LUZP2: variants seen among roughly 807,000 people sequenced by gnomAD.
The protein encoded by LUZP2 is leucine zipper protein 2.
In LUZP2, 52 loss-of-function variants were observed where a neutral mutation model predicts 51.6. The observed-to-expected ratio is 1.01, with a 90% confidence interval of 0.81 to 1.27. LUZP2 has a LOEUF of 1.27. Among genes scored for constraint, LUZP2 ranks in the 50% most tolerant of loss-of-function variants. LUZP2 has a pLI of 0.00. For missense variants in LUZP2, 436 were observed against 395.4 expected, an observed-to-expected ratio of 1.10 and a Z score of -0.87; for synonymous variants, 154 against 137.3, an observed-to-expected ratio of 1.12 and a Z score of -0.85.
At chr11:24,950,463 T>G (rs1472035055) in intron 7 of LUZP2, among the ~76,000 whole-genome samples, 1 of 151,592 alleles carries the variant, frequency 6.6e-6, no homozygotes, top group Non-Finnish European at 1.5e-5. Flanking sequence ...AAAATCAAAG[T>G]GACAGCTCCA....
chr11:24,607,521 T>C (rs1189210829), intron 1 of LUZP2, among the ~76,000 whole-genome samples: 1 of 152,036 alleles, frequency 6.6e-6, no homozygotes, highest in Non-Finnish European at 1.5e-5. Flanking sequence ...TTTATGTCAG[T>C]GTGATACTGT....
chr11:24,519,253 A>G (rs766006606), intron 1 of LUZP2, among the ~76,000 whole-genome samples: 1 of 152,152 alleles, frequency 6.6e-6, no homozygotes, highest in Non-Finnish European at 1.5e-5. Flanking sequence ...TTAGGATTGT[A>G]TATAAGGACT....
rs766073739 is a variant in LUZP2 at position 24,611,326 on chromosome 11, T to C, written c.62+114021T>C. The stretch of plus-strand genomic sequence containing the variant: ...TTCTACAGTCCATTATTCAAAAGAA[T>C]GTATATATCTAATTCATTTGATCTT... On this transcript the variant is annotated intron_variant, in intron 1 of 11. Transcript: ENST00000336930. This position sits in a 1 kb window ranked among gnomAD's most constrained non-coding sequence, Gnocchi z 4.6. 3.9e-5 allele frequency among the ~76,000 whole-genome samples: 6 copies of C among 152,174 alleles called. No homozygotes were observed. The highest frequency in any genetic ancestry group is 6.5e-5 in the Admixed American group (1 of 15,284).
chr11:24,627,661 G>A (rs1310402791), intron 1 of LUZP2, among the ~76,000 whole-genome samples: 2 of 152,152 alleles, frequency 1.3e-5, no homozygotes, highest in Admixed American at 1.3e-4. Flanking sequence ...ACCTCTGGAA[G>A]GATTCTCAAC....
chr11:25,012,515 T>C (rs989554111), intron 9 of LUZP2, among the ~76,000 whole-genome samples: 2 of 152,160 alleles, frequency 1.3e-5, no homozygotes, highest in African/African-American at 4.8e-5. Context: ...GCTGAAGTTC[T>C]CAAAACCCAT....
chr11:24,574,275 T>G (rs1422218959), intron 1 of LUZP2, among the ~76,000 whole-genome samples: 1 of 47,288 alleles, frequency 2.1e-5, no homozygotes. Context: ...TTTCTTTCTT[T>G]CTTTCTTTCT....
chr11:24,606,496 CACAG>C (rs951362963), intron 1 of LUZP2, among the ~76,000 whole-genome samples: 1 of 151,996 alleles, frequency 6.6e-6, no homozygotes, highest in African/African-American at 2.4e-5. Context: ...TCTATACAAA[CACAG>C]ACACTCACTA....
intron 1 of LUZP2, among the ~76,000 whole-genome samples, chr11:24,533,925 T>C (rs907423123): frequency 2.0e-5 from 3 of 151,320 alleles, no homozygotes; most frequent in African/African-American, 7.3e-5. Flanking sequence ...GACCCCCGTA[T>C]CTTTCTGCTG....
intron 4 of LUZP2, chr11:24,751,529 G>A: frequency 2.1e-6 from 2 of 947,492 alleles, no homozygotes; most frequent in Non-Finnish European, 2.5e-6. Flanking sequence ...CTGCTAGAAT[G>A]AGAAGTAATG....
At chr11:25,041,403 C>T (rs959833362) in intron 9 of LUZP2, among the ~76,000 whole-genome samples, 1 of 152,006 alleles carries the variant, frequency 6.6e-6, no homozygotes, top group African/African-American at 2.4e-5. Flanking sequence ...TATTTTCAAA[C>T]CTTGGTTGAC....
At chr11:24,538,398 GGTACTGGTTTCTTAGGA>G (rs1170163676) in intron 1 of LUZP2, among the ~76,000 whole-genome samples, 2 of 151,704 alleles carry the variant, frequency 1.3e-5, no homozygotes, top group Non-Finnish European at 2.9e-5. Flanking sequence ...CCTTGGATTA[GGTACTGGTTTCTTAGGA>G]CATAAAAAGC....
At chr11:25,071,290 A>T (rs1048041341) in intron 10 of LUZP2, among the ~76,000 whole-genome samples, 1 of 152,050 alleles carries the variant, frequency 6.6e-6, no homozygotes, top group South Asian at 2.1e-4. Context: ...ATCACACATG[A>T]TGCTAAATGA....
chr11:24,811,068 C>T (rs1850005103), intron 5 of LUZP2, among the ~76,000 whole-genome samples: 1 of 152,124 alleles, frequency 6.6e-6, no homozygotes, highest in African/African-American at 2.4e-5. Context: ...AGTTTGTCCA[C>T]CTGTGTTCCA....
At chr11:24,573,553 G>A (rs1852509564) in intron 1 of LUZP2, among the ~76,000 whole-genome samples, 1 of 151,920 alleles carries the variant, frequency 6.6e-6, no homozygotes, top group Admixed American at 6.6e-5. Flanking sequence ...TATACTAATA[G>A]GAATTCTAGG....
intron 1 of LUZP2, among the ~76,000 whole-genome samples, chr11:24,694,396 C>T (rs750470162): frequency 1.3e-5 from 2 of 152,102 alleles, no homozygotes; most frequent in African/African-American, 2.4e-5. Context: ...CTACCTTACT[C>T]AACACTGTAA....
intron 4 of LUZP2, among the ~76,000 whole-genome samples, chr11:24,742,160 A>G (rs1387752590): frequency 1.3e-5 from 2 of 149,684 alleles, no homozygotes; most frequent in East Asian, 2.0e-4. Flanking sequence ...CACTATAAAT[A>G]TAAGTGTACA....
intron 7 of LUZP2, among the ~76,000 whole-genome samples, chr11:24,937,197 T>C (rs567943631): frequency 2.0e-5 from 3 of 152,360 alleles, no homozygotes; most frequent in Admixed American, 6.5e-5. Flanking sequence ...TAAAAGTTAT[T>C]ATTTATATTA....
At chr11:25,000,837 G>A (rs1307621608) in intron 9 of LUZP2, among the ~76,000 whole-genome samples, 2 of 152,170 alleles carry the variant, frequency 1.3e-5, no homozygotes, top group East Asian at 3.9e-4. Flanking sequence ...TGCTGCTAAA[G>A]AGTCTATTTG....
At chr11:25,077,604 A>T (rs978724629) in intron 11 of LUZP2, among the ~76,000 whole-genome samples, 198 bp downstream of exon 11, 1 of 151,516 alleles carries the variant, frequency 6.6e-6, no homozygotes, top group Non-Finnish European at 1.5e-5. Context: ...GGCTCACACC[A>T]TTCTCCTGCC....
Sources: allele counts gnomAD v4.1 joint callset (sites outside exome capture counted in the v4.1 genomes callset), GRCh38; gene constraint gnomAD v4.1.1; non-coding constraint Gnocchi (gnomAD v3.1); transcripts MANE v1.5; gene names NCBI Gene and HGNC (gene_info 2026-07-23, HGNC 2026-07-21).